Variants in DGAT2 observed in about 807,000 individuals in gnomAD.
DGAT2 encodes acyl-CoA retinol O-fatty-acyltransferase.
Under a neutral mutation model 48.4 loss-of-function variants are expected in DGAT2, and 33 were observed. That is an observed-to-expected ratio of 0.68 (90% CI 0.52 to 0.91). The LOEUF (loss-of-function observed/expected upper bound fraction) is 0.91. Ranked by LOEUF, DGAT2 falls within the 40% of genes least tolerant of loss-of-function variation. The pLI, the probability that DGAT2 is intolerant of heterozygous loss-of-function variation, is 0.00. For synonymous variants in DGAT2, 191 were observed against 194.1 expected, an observed-to-expected ratio of 0.98 and a Z score of 0.13; for missense variants, 446 against 493.7, an observed-to-expected ratio of 0.90 and a Z score of 0.92.
chr11:75,768,808 G>C lies in DGAT2; in HGVS notation c.-184G>C. On this transcript the variant is annotated 5_prime_UTR_variant, in exon 1 of 8. Transcript: ENST00000228027. ...GGCTGCCGCCTCTGCTGGGGTCTAG[G>C]CTGTTTCTCTCGCGCCACCACTGGC... The C allele has an allele frequency of 1.5e-6, 1 of 688,258 alleles. No homozygotes were observed. The highest frequency in any genetic ancestry group is 2.1e-6 in the Non-Finnish European group (1 of 468,226). 42.6% of individuals were successfully genotyped at this position (688,258 alleles called of 1,614,324 possible).
chr11:75,791,272 G>A lies in DGAT2; in HGVS notation c.429+541G>A, dbSNP rs182096221. 1.6e-3 allele frequency among the ~76,000 whole-genome samples: 244 copies of A among 152,336 alleles called. 2 individuals are homozygous for A. The highest frequency in any genetic ancestry group is 6.8e-3 in the Middle Eastern group (2 of 294). On this transcript the variant is annotated intron_variant, in intron 4 of 7. Coordinates refer to ENST00000228027, the MANE Select transcript of DGAT2 (RefSeq NM_032564.5). ...TTGTGAGTCAGTGACTGAGATCCTGGTGTGTTGCCTGGGGGCAGTGGCTGG... is the reference window on the plus strand; with the variant it reads ...TTGTGAGTCAGTGACTGAGATCCTGATGTGTTGCCTGGGGGCAGTGGCTGG...
Position 75,781,161 on chromosome 11 carries a change from T to TGTGG in DGAT2, c.122-3452_122-3449dup, listed in dbSNP as rs1944858946. ...ACTTTATCTTCAAATAGGTTATTTCTGTGGGTGGCAAGATAGCCCCTGGCA... is the reference window on the plus strand; with the variant it reads ...ACTTTATCTTCAAATAGGTTATTTCTGTGGGTGGGTGGCAAGATAGCCCCTGGCA... On this transcript the variant is annotated intron_variant, in intron 1 of 7. Transcript: ENST00000228027. 3.3e-5 allele frequency among the ~76,000 whole-genome samples: 5 copies of TGTGG among 152,372 alleles called. No individual in the cohort carries two copies. The South Asian group carries it at 1.0e-3, about 32-fold the overall frequency.
chr11:75,784,793 T>C (rs1401519258), intron 2 of DGAT2, 47 bp downstream of exon 2: 4 of 1,611,926 alleles, frequency 2.5e-6, no homozygotes, highest in Non-Finnish European at 3.4e-6. Flanking sequence ...CAGTGTCCAC[T>C]TCCCCAAAAG....
chr11:75,790,390 T>A, intron 3 of DGAT2, 95 bp downstream of exon 3: 2 of 1,097,626 alleles, frequency 1.8e-6, no homozygotes, highest in Non-Finnish European at 2.8e-6. Flanking sequence ...CTGTTTCTTT[T>A]AACACCCACT....
chr11:75,797,006 AT>A, intron 5 of DGAT2, 151 bp from the exon 6 acceptor site: 1 of 687,042 alleles, frequency 1.5e-6, no homozygotes, highest in Non-Finnish European at 2.3e-6. Context: ...AGAAAAATGA[AT>A]AGCTTACACA....
At chr11:75,795,444 A>T (rs560874649) in intron 4 of DGAT2, 3 of 152,226 alleles carry the variant, frequency 2.0e-5, no homozygotes, top group Non-Finnish European at 2.9e-5. Context: ...TAGGTGTCAC[A>T]GGCTTTGCCT....
chr11:75,788,570 A>G (rs940645961), intron 2 of DGAT2, among the ~76,000 whole-genome samples: 4 of 152,114 alleles, frequency 2.6e-5, no homozygotes, highest in African/African-American at 9.7e-5. Context: ...ACAAGGGGCT[A>G]CCATTTCCCT....
At chr11:75,773,959 CA>C (rs1348026486) in intron 1 of DGAT2, 1 of 152,270 alleles carries the variant, frequency 6.6e-6, no homozygotes, top group Non-Finnish European at 1.5e-5. Flanking sequence ...TAAATAGAGG[CA>C]TGAGATTTGG....
Position 75,784,671 on chromosome 11 carries a change from C to T in DGAT2, c.175C>T (p.Leu59Phe). 6.2e-7 allele frequency: 1 copy of T among 1,614,096 alleles called. No homozygotes were observed. The highest frequency in any genetic ancestry group is 8.5e-7 in the Non-Finnish European group (1 of 1,179,986). ...ALQDLFSVTW[L>F]NRSKVEKQLQ... ...CCAGGACCTCTTCTCTGTCACCTGG[C>T]TCAATAGGTCCAAGGTGGAAAAGCA... The change falls in exon 2 of 8, where the codon CTC becomes TTC. Residue 59 changes from leucine to phenylalanine, a missense_variant. Leu to Phe is a conservative substitution (Grantham distance 22). Transcript: ENST00000228027.
chr11:75,789,495 G>A (rs905031055), intron 2 of DGAT2, among the ~76,000 whole-genome samples: 1 of 152,172 alleles, frequency 6.6e-6, no homozygotes, highest in Admixed American at 6.5e-5. Context: ...CTGCGCTTTG[G>A]CCTGGGACTT....
chr11:75,768,966 G>T lies in DGAT2; in HGVS notation c.-26G>T. On this transcript the variant is annotated 5_prime_UTR_variant, in exon 1 of 8. Coordinates refer to ENST00000228027, the MANE Select transcript of DGAT2 (RefSeq NM_032564.5). Reference sequence around the variant, plus strand: ...GCGCGGGGTGAAGCGGCTTCCCGCGGGGCCGTGACTGGGCGGGCTTCAGCC... The same window carrying T: ...GCGCGGGGTGAAGCGGCTTCCCGCGTGGCCGTGACTGGGCGGGCTTCAGCC... The T allele has an allele frequency of 6.8e-7, 1 of 1,474,302 alleles. No homozygotes were observed. 91.3% of individuals were successfully genotyped at this position (1,474,302 alleles called of 1,614,324 possible).
chr11:75,801,534 CTA>C (rs1050019681), downstream of DGAT2: 14 of 152,828 alleles, frequency 9.2e-5, no homozygotes, highest in African/African-American at 3.4e-4. Context: ...TGAGAATCCT[CTA>C]TGAGTTATTG....
At position 75,800,520 on chromosome 11, in the gene DGAT2, G is replaced by A; in HGVS notation, c.*12G>A. On this transcript the variant is annotated 3_prime_UTR_variant, in exon 8 of 8. Coordinates refer to ENST00000228027, the MANE Select transcript of DGAT2 (RefSeq NM_032564.5). ...TGGAGGTGAACTGAGCCAGCCTTCG[G>A]GGCCAATTCCCTGGAGGAACCAGCT... 1.2e-6 allele frequency: 2 copies of A among 1,612,994 alleles called. No homozygotes were observed. Among genetic ancestry groups the A allele is most frequent in the Non-Finnish European group, 1.7e-6 (2 of 1,179,500 alleles).
intron 2 of DGAT2, 130 bp downstream of exon 2, chr11:75,784,876 C>A (rs1565316290): frequency 7.9e-7 from 1 of 1,258,078 alleles, no homozygotes; most frequent in Non-Finnish European, 1.1e-6. Context: ...CCCCACAGCA[C>A]CTTTCCACAT....
intron 2 of DGAT2, among the ~76,000 whole-genome samples, chr11:75,789,348 G>A (rs1453072827): frequency 6.6e-6 from 1 of 152,024 alleles, no homozygotes; most frequent in Non-Finnish European, 1.5e-5. Flanking sequence ...ATGGAGTCTC[G>A]CTATGTTGCC....
chr11:75,787,080 T>C lies in DGAT2; in HGVS notation c.250+2334T>C, dbSNP rs554869406. 4.4e-4 allele frequency among the ~76,000 whole-genome samples: 67 copies of C among 152,294 alleles called. No homozygotes were observed. The Middle Eastern group carries it at 0.017, about 39-fold the overall frequency. On this transcript the variant is annotated intron_variant, in intron 2 of 7. Coordinates refer to ENST00000228027, the MANE Select transcript of DGAT2 (RefSeq NM_032564.5). ...AGAAGAAATGATTTTTTTTAAGATA[T>C]CTGCAACTGCTACAAAGTTATATGA...
At position 75,800,864 on chromosome 11, in the gene DGAT2, G is replaced by A. The variant is rs1219152957; in HGVS notation, c.*356G>A. ...TGATTCACTTTTTGCCCCTAGGGATGAGAGGCGAAAGCCACTTCTCATACA... is the reference window on the plus strand; with the variant it reads ...TGATTCACTTTTTGCCCCTAGGGATAAGAGGCGAAAGCCACTTCTCATACA... On this transcript the variant is annotated 3_prime_UTR_variant, in exon 8 of 8. Coordinates refer to ENST00000228027, the MANE Select transcript of DGAT2 (RefSeq NM_032564.5). The A allele has an allele frequency of 4.3e-6, 1 of 234,652 alleles. No individual in the cohort carries two copies. The highest frequency in any genetic ancestry group is 2.3e-5 in the African/African-American group (1 of 42,690). The allele number at this position is 234,652 out of a possible 1,614,324, so 14.5% of individuals were successfully genotyped here. A position where few individuals can be genotyped will look rare whatever the true frequency, so the allele number is the denominator to read the frequency against.
At chr11:75,799,580 CCCT>C (rs1945090082) in intron 7 of DGAT2, among the ~76,000 whole-genome samples, 1 of 151,768 alleles carries the variant, frequency 6.6e-6, no homozygotes, top group African/African-American at 2.4e-5. Flanking sequence ...CTGGTCTACT[CCCT>C]CCTCTCCTGC....
At position 75,769,105 on chromosome 11, in the gene DGAT2, G is replaced by A; in HGVS notation, c.114G>A (p.Gly38=). The A allele has an allele frequency of 4.5e-6, 7 of 1,565,568 alleles. No individual in the cohort carries two copies. The highest frequency in any genetic ancestry group is 6.0e-6 in the Non-Finnish European group (7 of 1,162,030). The change falls in exon 1 of 8, where the codon GGG becomes GGA. Residue 38 remains glycine, a synonymous_variant. Transcript: ENST00000228027. ...CTGCGCTGTCGCGCGAGGGGTCTGGGAGATGGGGTGAGTGCCACGGCGCAG... is the reference window on the plus strand; with the variant it reads ...CTGCGCTGTCGCGCGAGGGGTCTGGAAGATGGGGTGAGTGCCACGGCGCAG... The part of the protein sequence containing the change: ...GGPALSREGS[G]RWGTGSSILS...
Sources: gnomAD v4.1 joint callset for allele counts (sites outside exome capture counted in the v4.1 genomes callset) on GRCh38, gnomAD v4.1.1 for gene constraint, MANE v1.5 for transcripts, NCBI Gene and HGNC (gene_info 2026-07-23, HGNC 2026-07-21) for gene names.